Variants in CXCL13 observed in about 807,000 individuals in gnomAD.
CXCL13 encodes the protein C-X-C motif chemokine ligand 13, also known as C-X-C motif chemokine 13.
A neutral mutation model predicts 12.2 loss-of-function variants in CXCL13; 7 were observed. That is an observed-to-expected ratio of 0.57 (90% CI 0.33 to 1.07). The LOEUF is 1.07. Among genes scored for constraint, CXCL13 ranks in the 50% least tolerant of loss-of-function variants. The pLI, the probability that CXCL13 is intolerant of heterozygous loss-of-function variation, is 0.04. For synonymous variants in CXCL13, 47 were observed against 42.4 expected (o/e 1.11, Z -0.42); for missense variants, 113 against 127.4 (o/e 0.89, Z 0.55).
chr4:77,527,964 G>A (rs1471362058), intron 1 of CXCL13, among the ~76,000 whole-genome samples: 1 of 151,772 alleles, frequency 6.6e-6, no homozygotes, highest in Non-Finnish European at 1.5e-5. Flanking sequence ...GGTGTGTGAT[G>A]TTCCCCTTCC....
intron 1 of CXCL13, 152 bp downstream of exon 1, chr4:77,606,081 G>A: frequency 2.2e-6 from 1 of 455,206 alleles, no homozygotes; most frequent in Non-Finnish European, 4.0e-6. Context: ...AAGGTGTTTA[G>A]GAATTTAACT....
At chr4:77,571,830 T>C (rs938679164) in intron 1 of CXCL13, among the ~76,000 whole-genome samples, 2 of 151,804 alleles carry the variant, frequency 1.3e-5, no homozygotes, top group Non-Finnish European at 1.5e-5. Flanking sequence ...TCCACGCTGC[T>C]TTTATGAGCT....
At position 77,515,585 on chromosome 4, in the gene CXCL13, C is replaced by T. The variant is rs1298298540; in HGVS notation, c.-43+3797C>T. 3.9e-5 allele frequency among the ~76,000 whole-genome samples: 6 copies of T among 152,110 alleles called. No homozygotes were observed. The East Asian group carries it at 9.6e-4, about 24-fold the overall frequency. The stretch of plus-strand genomic sequence containing the variant: ...TTTGAAGCAATTGTGAATGGGAGTT[C>T]ACTCATGATTTGGCTCTCTGTTTGT... On this transcript the variant is annotated intron_variant, in intron 1 of 4. Coordinates refer to the CXCL13 transcript ENST00000286758.
intron 1 of CXCL13, among the ~76,000 whole-genome samples, chr4:77,555,903 A>T (rs552903713): frequency 1.3e-5 from 2 of 152,208 alleles, no homozygotes; most frequent in Non-Finnish European, 2.9e-5. Context: ...AGCCACATTG[A>T]TATATTTTTA....
chr4:77,569,265 A>G (rs146735630), intron 1 of CXCL13, among the ~76,000 whole-genome samples: 1 of 152,330 alleles, frequency 6.6e-6, no homozygotes, highest in Non-Finnish European at 1.5e-5. Flanking sequence ...TCTTGGCCAG[A>G]GCAATCAGGC....
At chr4:77,513,753 G>A (rs564844770) in intron 1 of CXCL13, among the ~76,000 whole-genome samples, 1 of 150,940 alleles carries the variant, frequency 6.6e-6, no homozygotes, top group African/African-American at 2.4e-5. Context: ...CACCTGGCCT[G>A]TTTCCTGACT....
intron 2 of CXCL13, among the ~76,000 whole-genome samples, 195 bp downstream of exon 2, chr4:77,608,030 G>A (rs546769740): frequency 7.2e-5 from 11 of 152,288 alleles, no homozygotes; most frequent in African/African-American, 2.6e-4. Flanking sequence ...TGCTTTACAT[G>A]CACATACTCA....
intron 1 of CXCL13, among the ~76,000 whole-genome samples, chr4:77,599,070 A>C (rs1178768697): frequency 1.3e-5 from 2 of 152,036 alleles, no homozygotes; most frequent in East Asian, 1.9e-4. Flanking sequence ...CAGCCTCCCA[A>C]AATGCAGAGA....
intron 1 of CXCL13, among the ~76,000 whole-genome samples, chr4:77,522,266 C>G (rs1403748846): frequency 6.6e-6 from 1 of 150,664 alleles, no homozygotes; most frequent in Non-Finnish European, 1.5e-5. Context: ...GGATATCTGT[C>G]TAATATTGAC....
intron 1 of CXCL13, among the ~76,000 whole-genome samples, chr4:77,515,648 C>T (rs1724396430): frequency 6.6e-6 from 1 of 152,134 alleles, no homozygotes; most frequent in Admixed American, 6.6e-5. Flanking sequence ...GATTTTTGCA[C>T]ATTGATTTTG....
At chr4:77,609,659 T>G (rs1010775224) in intron 2 of CXCL13, among the ~76,000 whole-genome samples, 1 of 152,220 alleles carries the variant, frequency 6.6e-6, no homozygotes, top group Admixed American at 6.5e-5. Context: ...AATTGTGTTT[T>G]GTTTGAGTTC....
intron 1 of CXCL13, among the ~76,000 whole-genome samples, chr4:77,539,827 G>A (rs934505105): frequency 2.0e-5 from 3 of 152,114 alleles, no homozygotes; most frequent in Non-Finnish European, 4.4e-5. Flanking sequence ...ACCATCACCT[G>A]ATGGCTGCCT....
At chr4:77,530,852 T>TAG in intron 1 of CXCL13, among the ~76,000 whole-genome samples, 1 of 152,208 alleles carries the variant, frequency 6.6e-6, no homozygotes, top group East Asian at 1.9e-4. Flanking sequence ...CTCTAGTTCT[T>TAG]TTAATTGTGA....
chr4:77,588,511 C>T (rs1365274082), intron 1 of CXCL13, among the ~76,000 whole-genome samples: 1 of 152,204 alleles, frequency 6.6e-6, no homozygotes, highest in East Asian at 1.9e-4. Flanking sequence ...ACTGACAATG[C>T]TTGGAGCCTG....
At chr4:77,521,186 GT>G (rs1460884101) in intron 1 of CXCL13, among the ~76,000 whole-genome samples, 1 of 152,034 alleles carries the variant, frequency 6.6e-6, no homozygotes, top group African/African-American at 2.4e-5. Context: ...CTCTTTTTTT[GT>G]TGTGTCTCTG....
chr4:77,592,329 T>C (rs1389188292), intron 1 of CXCL13, among the ~76,000 whole-genome samples: 3 of 152,064 alleles, frequency 2.0e-5, no homozygotes, highest in African/African-American at 7.2e-5. Flanking sequence ...AAGCCAGGCA[T>C]AGAAAGACAA....
chr4:77,555,060 T>C (rs1292743814), intron 1 of CXCL13, among the ~76,000 whole-genome samples: 1 of 151,204 alleles, frequency 6.6e-6, no homozygotes, highest in African/African-American at 2.4e-5. Flanking sequence ...AGTAAGTAAG[T>C]AGAAGGTAAG....
chr4:77,545,891 A>G (rs865909568), intron 1 of CXCL13, among the ~76,000 whole-genome samples: 7 of 152,312 alleles, frequency 4.6e-5, no homozygotes, highest in Middle Eastern at 3.4e-3. Context: ...CATTTGTCAT[A>G]AATACCTCTT....
intron 1 of CXCL13, among the ~76,000 whole-genome samples, chr4:77,513,198 C>T (rs191220667): frequency 1.3e-5 from 2 of 152,200 alleles, no homozygotes; most frequent in Admixed American, 6.5e-5. Context: ...CACTGATGGA[C>T]ATTTGGGTCG....
Sources: allele counts gnomAD v4.1 joint callset (sites outside exome capture counted in the v4.1 genomes callset), GRCh38; gene constraint gnomAD v4.1.1; transcripts MANE v1.5; gene names NCBI Gene and HGNC (gene_info 2026-07-23, HGNC 2026-07-21).